The following PTPRT variants were observed in gnomAD, a reference collection of about 807,000 sequenced individuals.
PTPRT encodes the protein protein tyrosine phosphatase receptor type T, also known as receptor-type tyrosine-protein phosphatase T.
PTPRT carries 56 observed loss-of-function variants against 176.8 expected under a neutral mutation model. That is an observed-to-expected ratio of 0.32 (90% confidence interval 0.26 to 0.40). The LOEUF is 0.40. PTPRT is among the 10% of genes least tolerant of loss of function. The probability of loss-of-function intolerance (pLI) is 1.00; values close to 1 mark genes in which losing one functional copy is unlikely to be tolerated. For missense variants in PTPRT, 1,540 were observed against 1,908.2 expected (o/e 0.81, Z 3.60); for synonymous variants, 783 against 739.0 (o/e 1.06, Z -0.96).
chr20:42,868,268 G>A (rs146372887), intron 2 of PTPRT, among the ~76,000 whole-genome samples: 11 of 152,208 alleles, frequency 7.2e-5, no homozygotes, highest in African/African-American at 2.6e-4. Flanking sequence ...ACAGAATGAT[G>A]GTAGAAATAT....
rs2145929797 is a variant in PTPRT at position 42,640,896 on chromosome 20, A to T, written c.1153+36970T>A. On this transcript the variant is annotated intron_variant, in intron 7 of 30. Coordinates refer to ENST00000373187, the MANE Select transcript of PTPRT (RefSeq NM_007050.6). ...TCCTCGGGCCCCACCATTAATGACA[A>T]CACAAACACATATTTTTACATGATT... Among the ~76,000 whole-genome samples the T allele has an allele frequency of 2.0e-5, 3 of 152,260 alleles. No individual in the cohort carries two copies. In the East Asian group the frequency reaches 5.8e-4, roughly 29 times the overall value.
intron 17 of PTPRT, among the ~76,000 whole-genome samples, chr20:42,152,673 A>C (rs1316283732): frequency 6.6e-6 from 1 of 152,130 alleles, no homozygotes; most frequent in African/African-American, 2.4e-5. Flanking sequence ...GGATCCCCAT[A>C]ATTCACTTCA....
chr20:42,834,707 CT>C (rs1370014869), intron 2 of PTPRT, among the ~76,000 whole-genome samples: 5 of 152,000 alleles, frequency 3.3e-5, no homozygotes, highest in African/African-American at 1.2e-4. Flanking sequence ...ACCCTTTTTC[CT>C]TTTCCCAGAT....
chr20:43,005,512 A>G (rs1984806736), intron 1 of PTPRT, among the ~76,000 whole-genome samples: 2 of 151,854 alleles, frequency 1.3e-5, no homozygotes, highest in Admixed American at 6.6e-5. Context: ...CCACTACAAC[A>G]CCCTGCTTGT....
chr20:42,860,297 A>C (rs1487011535), intron 2 of PTPRT, among the ~76,000 whole-genome samples: 1 of 152,184 alleles, frequency 6.6e-6, no homozygotes, highest in Non-Finnish European at 1.5e-5. Context: ...GATTGGTATA[A>C]GCTATTTGAA....
At chr20:43,038,025 G>GTATAAAATA (rs2146207902) in intron 1 of PTPRT, among the ~76,000 whole-genome samples, 36 of 151,908 alleles carry the variant, frequency 2.4e-4, no homozygotes, top group African/African-American at 8.0e-4. Flanking sequence ...GACCTAAACT[G>GTATAAAATA]CTTCTGTGGC....
At chr20:42,508,598 C>T (rs1356638760) in intron 7 of PTPRT, among the ~76,000 whole-genome samples, 5 of 152,022 alleles carry the variant, frequency 3.3e-5, no homozygotes, top group South Asian at 4.1e-4. Context: ...TGGTCCTCAA[C>T]GCAACCTTAC....
intron 23 of PTPRT, among the ~76,000 whole-genome samples, chr20:42,107,489 C>G (rs1204550644): frequency 6.6e-6 from 1 of 152,218 alleles, no homozygotes; most frequent in African/African-American, 2.4e-5. Flanking sequence ...TTTCTTGATA[C>G]ATACTTACTT....
chr20:43,042,459 T>C (rs1418422216), intron 1 of PTPRT, among the ~76,000 whole-genome samples: 1 of 152,110 alleles, frequency 6.6e-6, no homozygotes, highest in Non-Finnish European at 1.5e-5. Context: ...CTCCTGGGGA[T>C]AGCAGATCCC....
At chr20:42,093,116 C>T (rs1984810861) in intron 27 of PTPRT, among the ~76,000 whole-genome samples, 1 of 152,216 alleles carries the variant, frequency 6.6e-6, no homozygotes, top group South Asian at 2.1e-4. Flanking sequence ...CACCCTTTGG[C>T]TGGCATGCAG....
At chr20:42,234,819 A>G (rs6102743) in intron 15 of PTPRT, among the ~76,000 whole-genome samples, 6,893 of 152,304 alleles carry the variant, frequency 0.045, 501 homozygotes, top group African/African-American at 0.15. Context: ...TTCCCATATA[A>G]CATGAGGGTG....
At chr20:43,145,657 C>T (rs187999409) in intron 1 of PTPRT, among the ~76,000 whole-genome samples, 1 of 152,224 alleles carries the variant, frequency 6.6e-6, no homozygotes, top group East Asian at 1.9e-4. Context: ...CTGGTTCAGC[C>T]CTGGCTCACA....
intron 15 of PTPRT, among the ~76,000 whole-genome samples, chr20:42,202,079 C>T (rs1991476121): frequency 6.6e-6 from 1 of 152,054 alleles, no homozygotes; most frequent in Admixed American, 6.6e-5. Context: ...AAGTAATTCT[C>T]ATGCCTCAGC....
chr20:42,473,276 C>A (rs1240620899), intron 7 of PTPRT, among the ~76,000 whole-genome samples: 1 of 152,170 alleles, frequency 6.6e-6, no homozygotes, highest in Admixed American at 6.5e-5. Context: ...CACTCCATGC[C>A]TCCTATTGAT....
intron 12 of PTPRT, among the ~76,000 whole-genome samples, chr20:42,298,227 TG>T (rs1447666477): frequency 6.6e-6 from 1 of 152,118 alleles, no homozygotes; most frequent in African/African-American, 2.4e-5. Flanking sequence ...TACATAAAAA[TG>T]GCTATTAAGT....
chr20:42,570,418 C>T (rs968867340), intron 7 of PTPRT, among the ~76,000 whole-genome samples: 3 of 152,152 alleles, frequency 2.0e-5, no homozygotes, highest in African/African-American at 7.2e-5. Context: ...GTAGTGAAAA[C>T]CACTTAATCT....
chr20:42,532,917 C>T (rs1601207799), intron 7 of PTPRT, among the ~76,000 whole-genome samples: 1 of 152,140 alleles, frequency 6.6e-6, no homozygotes, highest in Non-Finnish European at 1.5e-5. Context: ...CCCCACTGAG[C>T]CCCAGAGCTA....
intron 1 of PTPRT, among the ~76,000 whole-genome samples, chr20:43,039,488 C>A (rs556309032): frequency 6.6e-6 from 1 of 151,492 alleles, no homozygotes; most frequent in South Asian, 2.1e-4. Flanking sequence ...CATAAAAGCA[C>A]CAGAAAAAAA....
intron 15 of PTPRT, among the ~76,000 whole-genome samples, chr20:42,217,066 A>G (rs1163076803): frequency 6.6e-6 from 1 of 152,030 alleles, no homozygotes; most frequent in Non-Finnish European, 1.5e-5. Flanking sequence ...ACTTTTCTTC[A>G]TCAGTCACCT....
Sources: gnomAD v4.1 joint callset for allele counts (sites outside exome capture counted in the v4.1 genomes callset) on GRCh38, gnomAD v4.1.1 for gene constraint, MANE v1.5 for transcripts, NCBI Gene and HGNC (gene_info 2026-07-23, HGNC 2026-07-21) for gene names.